Variants in GRM7 observed in about 807,000 individuals in gnomAD.
GRM7 encodes the protein glutamate metabotropic receptor 7.
A neutral mutation model predicts 84.5 loss-of-function variants in GRM7; 35 were observed. The observed-to-expected ratio is 0.41, with a 90% CI of 0.32 to 0.55. GRM7 has a LOEUF of 0.55. Among genes scored for constraint, GRM7 ranks in the 20% least tolerant of loss-of-function variants. GRM7 has a pLI of 0.19. For missense variants in GRM7, 1,003 were observed against 1,194.6 expected (o/e 0.84, Z 2.36); for synonymous variants, 487 against 455.1 (o/e 1.07, Z -0.89).
intron 8 of GRM7, among the ~76,000 whole-genome samples, chr3:7,643,953 A>G (rs1247695645): frequency 6.6e-6 from 1 of 151,826 alleles, no homozygotes; most frequent in Non-Finnish European, 1.5e-5. Flanking sequence ...GCTTTTCTAC[A>G]TGTGGTCTTG....
chr3:6,919,387 A>G (rs1407490061), intron 1 of GRM7, among the ~76,000 whole-genome samples: 13 of 64,704 alleles, frequency 2.0e-4, no homozygotes, highest in Non-Finnish European at 3.9e-4. Context: ...TTTTTTTTTT[A>G]ATAGAGATGG....
At chr3:7,194,076 A>T (rs1455760049) in intron 2 of GRM7, among the ~76,000 whole-genome samples, 1 of 152,140 alleles carries the variant, frequency 6.6e-6, no homozygotes, top group Non-Finnish European at 1.5e-5. Context: ...CACATCCTCT[A>T]GTAAGCCAAA....
At chr3:7,502,750 C>G (rs68112897) in intron 7 of GRM7, among the ~76,000 whole-genome samples, 13,841 of 152,204 alleles carry the variant, frequency 0.091, 936 homozygotes, top group African/African-American at 0.19. Context: ...TCCTTCTCTA[C>G]TGGTCAATAA....
At chr3:7,062,938 T>A (rs4684547) in intron 1 of GRM7, among the ~76,000 whole-genome samples, 28,925 of 151,614 alleles carry the variant, frequency 0.19, 2,867 homozygotes, top group Admixed American at 0.27. Flanking sequence ...AAACTCCTAG[T>A]TGAAGGAAAT....
intron 1 of GRM7, among the ~76,000 whole-genome samples, chr3:6,936,844 T>A (rs1668392876): frequency 6.6e-6 from 1 of 152,212 alleles, no homozygotes; most frequent in African/African-American, 2.4e-5. Flanking sequence ...ATTTTTATTA[T>A]TAGACATATA....
At chr3:7,230,109 G>C (rs1380027715) in intron 2 of GRM7, among the ~76,000 whole-genome samples, 1 of 151,790 alleles carries the variant, frequency 6.6e-6, no homozygotes, top group Non-Finnish European at 1.5e-5. Flanking sequence ...AAAATGCTGG[G>C]ATTGCCGGCA....
At chr3:6,954,681 T>A (rs1247396822) in intron 1 of GRM7, among the ~76,000 whole-genome samples, 1 of 152,244 alleles carries the variant, frequency 6.6e-6, no homozygotes, top group Non-Finnish European at 1.5e-5. Flanking sequence ...ACTTACTATC[T>A]GTGTGAGCTC....
At chr3:7,627,280 C>A (rs1697657419) in intron 8 of GRM7, among the ~76,000 whole-genome samples, 2 of 152,194 alleles carry the variant, frequency 1.3e-5, no homozygotes, top group Non-Finnish European at 2.9e-5. Flanking sequence ...AGATCATGCT[C>A]ATGCCTTAGG....
chr3:7,566,050 T>C (rs555350859), intron 7 of GRM7, among the ~76,000 whole-genome samples: 6 of 151,130 alleles, frequency 4.0e-5, no homozygotes, highest in Non-Finnish European at 5.9e-5. Context: ...AATAGATAAA[T>C]CCACCATGCA....
At chr3:7,409,875 C>T (rs1195573502) in intron 4 of GRM7, among the ~76,000 whole-genome samples, 2 of 152,186 alleles carry the variant, frequency 1.3e-5, no homozygotes, top group South Asian at 2.1e-4. Flanking sequence ...GCTGGGATTA[C>T]AGGCGTGAGC....
intron 1 of GRM7, among the ~76,000 whole-genome samples, chr3:7,017,026 G>C (rs952997230): frequency 6.6e-6 from 1 of 152,200 alleles, no homozygotes; most frequent in African/African-American, 2.4e-5. Context: ...AGCAGAGTCT[G>C]CATTTTAACA....
chr3:7,284,613 T>C (rs1377134620), intron 2 of GRM7, among the ~76,000 whole-genome samples: 1 of 152,170 alleles, frequency 6.6e-6, no homozygotes, highest in Admixed American at 6.5e-5. Flanking sequence ...GCCATGACTA[T>C]TGTTATATTT....
At chr3:7,066,409 A>G (rs556720267) in intron 1 of GRM7, among the ~76,000 whole-genome samples, 1 of 152,080 alleles carries the variant, frequency 6.6e-6, no homozygotes, top group Admixed American at 6.6e-5. Flanking sequence ...TATGCACATA[A>G]ACTAGAAAAC....
chr3:7,271,314 C>T (rs899833756), intron 2 of GRM7, among the ~76,000 whole-genome samples: 2 of 152,032 alleles, frequency 1.3e-5, no homozygotes, highest in African/African-American at 4.8e-5. Flanking sequence ...AATCCCAACA[C>T]TTTGGGAGGC....
At chr3:7,355,898 A>C (rs1197409517) in intron 4 of GRM7, among the ~76,000 whole-genome samples, 2 of 152,052 alleles carry the variant, frequency 1.3e-5, no homozygotes, top group Non-Finnish European at 2.9e-5. Context: ...TGACAGAGAA[A>C]GGGAAGACTC....
chr3:7,568,603 G>C (rs147914463), intron 7 of GRM7, among the ~76,000 whole-genome samples: 6 of 152,146 alleles, frequency 3.9e-5, no homozygotes, highest in South Asian at 4.1e-4. Flanking sequence ...TGGAGGGAGA[G>C]GCGCAAGCGG....
chr3:7,016,989 T>A (rs1056540074), intron 1 of GRM7, among the ~76,000 whole-genome samples: 12 of 152,056 alleles, frequency 7.9e-5, no homozygotes, highest in African/African-American at 2.7e-4. Context: ...GAAAACAGAG[T>A]CTTAGGCCGC....
chr3:7,340,942 C>A (rs1701614209), intron 4 of GRM7, among the ~76,000 whole-genome samples: 1 of 152,088 alleles, frequency 6.6e-6, no homozygotes, highest in Admixed American at 6.6e-5. Flanking sequence ...GCTTCCCCTG[C>A]TTGTACCTGG....
chr3:6,868,496 TACA>T (rs1248971983), intron 1 of GRM7, among the ~76,000 whole-genome samples: 4 of 152,196 alleles, frequency 2.6e-5, no homozygotes, highest in African/African-American at 7.2e-5. Context: ...TTCTCCCTTA[TACA>T]ACAAGTAGCC....
Sources: allele counts gnomAD v4.1 joint callset (sites outside exome capture counted in the v4.1 genomes callset), GRCh38; gene constraint gnomAD v4.1.1; transcripts MANE v1.5; gene names NCBI Gene and HGNC (gene_info 2026-07-23, HGNC 2026-07-21).